Variants in RTL4 observed in about 807,000 individuals in gnomAD.
The protein encoded by RTL4 is retrotransposon Gag-like protein 4.
RTL4 carries 4 observed loss-of-function variants against 5.3 expected under a neutral mutation model. The observed-to-expected ratio is 0.75, with a 90% CI of 0.37 to 1.72. The LOEUF (loss-of-function observed/expected upper bound fraction) is 1.72, where lower values mean the gene tolerates loss of function less well. Ranked by LOEUF, RTL4 falls within the 40% of genes most tolerant of loss-of-function variation. The pLI, the probability that RTL4 is intolerant of heterozygous loss-of-function variation, is 0.04. For synonymous variants in RTL4, 98 were observed against 87.3 expected (o/e 1.12, Z -0.68); for missense variants, 260 against 227.1 (o/e 1.14, Z -0.93).
At chrX:112,127,892 A>G in the RTL4 span, among the ~76,000 whole-genome samples, 1 of 112,309 alleles carries the variant, frequency 8.9e-6, no homozygotes, top group East Asian at 2.8e-4. Flanking sequence ...GTACAATGAA[A>G]ACTACAAAAC....
At chrX:112,347,636 G>T in the RTL4 span, among the ~76,000 whole-genome samples, 1 of 111,605 alleles carries the variant, frequency 9.0e-6, no homozygotes, top group Non-Finnish European at 1.9e-5. Flanking sequence ...CCTTTAACCA[G>T]ATACTGCCAC....
At chrX:112,331,351 A>T in the RTL4 span, among the ~76,000 whole-genome samples, 1 of 106,648 alleles carries the variant, frequency 9.4e-6, no homozygotes, top group South Asian at 4.3e-4. Context: ...GGCAAAGGAC[A>T]TGAACAGACA....
chrX:112,184,387 T>C, the RTL4 span, among the ~76,000 whole-genome samples: 1 of 112,292 alleles, frequency 8.9e-6, no homozygotes, highest in Non-Finnish European at 1.9e-5. Context: ...AAAAGAATTG[T>C]ATTCAATTCA....
chrX:112,136,909 T>A, the RTL4 span, among the ~76,000 whole-genome samples: 1 of 112,099 alleles, frequency 8.9e-6, no homozygotes, highest in Non-Finnish European at 1.9e-5. Flanking sequence ...GTAAAAGTTC[T>A]AGAAGAAAAC....
At chrX:112,409,535 C>T in the RTL4 span, among the ~76,000 whole-genome samples, 2 of 107,552 alleles carry the variant, frequency 1.9e-5, no homozygotes, top group African/African-American at 6.7e-5. Flanking sequence ...GCTTGATCAA[C>T]ATGGTGAAAC....
the RTL4 span, among the ~76,000 whole-genome samples, chrX:112,355,140 T>A: frequency 9.0e-6 from 1 of 111,692 alleles, no homozygotes; most frequent in African/African-American, 3.2e-5. Flanking sequence ...GAGTTCTATT[T>A]ATCTGACAAT....
the RTL4 span, among the ~76,000 whole-genome samples, chrX:112,220,642 G>C: frequency 8.9e-6 from 1 of 112,549 alleles, no homozygotes; most frequent in African/African-American, 3.2e-5. Flanking sequence ...AAACTTTTAA[G>C]ATCTGCTTTC....
the RTL4 span, among the ~76,000 whole-genome samples, chrX:112,329,910 A>G: frequency 1.2e-4 from 13 of 109,818 alleles, no homozygotes; most frequent in African/African-American, 4.3e-4. Context: ...GACAAAAACC[A>G]CATGATTATC....
At chrX:112,244,254 T>C in the RTL4 span, among the ~76,000 whole-genome samples, 5 of 111,778 alleles carry the variant, frequency 4.5e-5, no homozygotes, top group African/African-American at 1.6e-4. Flanking sequence ...ATATCCTTGT[T>C]AATGTTCTGT....
chrX:112,409,721 G>GA, the RTL4 span, among the ~76,000 whole-genome samples: 4 of 89,561 alleles, frequency 4.5e-5, no homozygotes, highest in African/African-American at 1.6e-4. Flanking sequence ...GCTCCATCTC[G>GA]AAAAAAAAAA....
the RTL4 span, among the ~76,000 whole-genome samples, chrX:112,358,783 A>C: frequency 9.0e-6 from 1 of 111,691 alleles, no homozygotes; most frequent in Non-Finnish European, 1.9e-5. Flanking sequence ...TACTTTCTGC[A>C]CTTAGTCCTT....
chrX:112,268,974 C>T, the RTL4 span, among the ~76,000 whole-genome samples: 1 of 112,227 alleles, frequency 8.9e-6, no homozygotes, highest in Non-Finnish European at 1.9e-5. Flanking sequence ...CGTTTGAATG[C>T]AGAGTTTCAA....
At chrX:112,241,653 C>T in the RTL4 span, among the ~76,000 whole-genome samples, 1 of 111,842 alleles carries the variant, frequency 8.9e-6, no homozygotes, top group African/African-American at 3.3e-5. Context: ...GTTGCCTGTT[C>T]ACTCTGTTGG....
chrX:112,182,514 A>G, the RTL4 span, among the ~76,000 whole-genome samples: 2 of 112,164 alleles, frequency 1.8e-5, no homozygotes, highest in Non-Finnish European at 3.8e-5. Context: ...CCTGAACAAC[A>G]CAGCATGAGA....
the RTL4 span, among the ~76,000 whole-genome samples, chrX:112,321,435 C>T: frequency 9.3e-6 from 1 of 107,470 alleles, no homozygotes; most frequent in African/African-American, 3.4e-5. Flanking sequence ...ACTCGGGAGG[C>T]TGAGGCAGGA....
chrX:112,152,355 C>T, the RTL4 span, among the ~76,000 whole-genome samples: 19 of 111,792 alleles, frequency 1.7e-4, no homozygotes, highest in African/African-American at 5.5e-4. Flanking sequence ...AAAAGCATTT[C>T]GGAAACTCAA....
the RTL4 span, among the ~76,000 whole-genome samples, chrX:112,231,977 C>G: frequency 8.9e-6 from 1 of 111,829 alleles, no homozygotes; most frequent in Non-Finnish European, 1.9e-5. Context: ...AATCTATGAT[C>G]ATTAAATGGG....
the RTL4 span, among the ~76,000 whole-genome samples, chrX:112,230,405 C>T: frequency 2.7e-5 from 3 of 111,915 alleles, no homozygotes; most frequent in Non-Finnish European, 3.8e-5. Context: ...GGGAGTGACC[C>T]GATTTTCCAG....
the RTL4 span, among the ~76,000 whole-genome samples, chrX:112,239,731 T>C: frequency 4.3e-3 from 479 of 111,552 alleles, 6 homozygotes; most frequent in African/African-American, 0.015. Flanking sequence ...CCATCTGCAA[T>C]AGGATAGTAC....
Sources: allele counts gnomAD v4.1 joint callset (sites outside exome capture counted in the v4.1 genomes callset), GRCh38; gene constraint gnomAD v4.1.1; transcripts MANE v1.5; gene names NCBI Gene and HGNC (gene_info 2026-07-23, HGNC 2026-07-21).